Variants in SLC4A1AP observed in about 807,000 individuals in gnomAD.
SLC4A1AP encodes solute carrier family 4 member 1 adaptor protein.
Under a neutral mutation model 89.7 loss-of-function variants are expected in SLC4A1AP, and 64 were observed. The ratio of observed to expected loss-of-function variants is 0.71; its 90% CI spans 0.58 to 0.88. SLC4A1AP has a LOEUF of 0.88. Ranked by LOEUF, SLC4A1AP falls within the 40% of genes least tolerant of loss-of-function variation. SLC4A1AP has a pLI of 0.00. For missense variants in SLC4A1AP, 931 were observed against 965.0 expected (o/e 0.96, Z 0.47); for synonymous variants, 366 against 353.3 (o/e 1.04, Z -0.40).
intron 12 of SLC4A1AP, 72 bp from the exon 13 acceptor site, chr2:27,693,613 A>G: frequency 8.1e-7 from 1 of 1,235,496 alleles, no homozygotes; most frequent in Non-Finnish European, 1.2e-6. Context: ...ATAGGACCCC[A>G]ATCCCTTCTG....
chr2:27,677,781 G>A (rs1178704784), exon 8 of SLC4A1AP: 2 of 1,612,866 alleles, frequency 1.2e-6, no homozygotes, highest in South Asian at 1.1e-5. Context: ...ATGCGTTCAT[G>A]TCAGAAATGA....
At chr2:27,667,302 C>A in exon 3 of SLC4A1AP, 1 of 1,613,374 alleles carries the variant, frequency 6.2e-7, no homozygotes, top group Non-Finnish European at 8.5e-7. Flanking sequence ...CTGAAGAGAA[C>A]CCTATTGTCT....
At chr2:27,672,231 G>A (rs1008056833) in intron 5 of SLC4A1AP, among the ~76,000 whole-genome samples, 17 of 151,914 alleles carry the variant, frequency 1.1e-4, no homozygotes, top group Admixed American at 3.3e-4. Flanking sequence ...TAATTGTTTC[G>A]TCCCTCTGTT....
At chr2:27,672,460 T>C (rs1368506660) in intron 5 of SLC4A1AP, among the ~76,000 whole-genome samples, 1 of 152,164 alleles carries the variant, frequency 6.6e-6, no homozygotes, top group Non-Finnish European at 1.5e-5. Context: ...GCTCAGAGAC[T>C]CCAAGGTTTT....
exon 5 of SLC4A1AP, chr2:27,669,345 T>C: frequency 6.2e-7 from 1 of 1,613,354 alleles, no homozygotes; most frequent in South Asian, 1.1e-5. Flanking sequence ...ATTGGAAGCT[T>C]GTCGGATTCT....
chr2:27,672,369 C>T (rs1269140365), intron 5 of SLC4A1AP, among the ~76,000 whole-genome samples: 1 of 151,726 alleles, frequency 6.6e-6, no homozygotes, highest in East Asian at 1.9e-4. Context: ...TTTCTGTCTT[C>T]TCTATTTTGC....
intron 12 of SLC4A1AP, chr2:27,693,445 C>T (rs1377905171): frequency 2.2e-6 from 1 of 454,892 alleles, no homozygotes; most frequent in South Asian, 4.3e-5. Flanking sequence ...AGATTTAGAA[C>T]TCCTTTTTGC....
In SLC4A1AP at chr2:27,682,184, G is replaced by A. The variant is rs1558508834; in HGVS notation, c.1764-64G>A. The A allele has an allele frequency of 1.2e-5, 12 of 1,013,618 alleles. No homozygotes were observed. The Middle Eastern group carries it at 6.6e-4, about 56-fold the overall frequency. The allele number at this position is 1,013,618 out of a possible 1,614,324, so 62.8% of individuals were successfully genotyped here. A position where few individuals can be genotyped will look rare whatever the true frequency, so the allele number is the denominator to read the frequency against. ...CAGAGGTTTCTTTGTCAGTATCATG[G>A]TATTTTTAGATAAAACCTTGGGACT... On this transcript the variant is annotated intron_variant, in intron 8 of 13. Coordinates refer to ENST00000613058, the Ensembl canonical transcript of SLC4A1AP.
At chr2:27,676,928 C>G (rs1259359758) in intron 6 of SLC4A1AP, among the ~76,000 whole-genome samples, 2 of 151,680 alleles carry the variant, frequency 1.3e-5, no homozygotes, top group African/African-American at 4.8e-5. Context: ...ATCATGAGGT[C>G]AGGAGATTGA....
exon 1 of SLC4A1AP, chr2:27,664,507 G>A: frequency 1.2e-6 from 2 of 1,614,186 alleles, no homozygotes; most frequent in Admixed American, 1.7e-5. Flanking sequence ...ATCCCACCTC[G>A]CACCTACTGT....
chr2:27,673,556 G>A (rs892035181), intron 5 of SLC4A1AP, among the ~76,000 whole-genome samples: 5 of 151,170 alleles, frequency 3.3e-5, no homozygotes, highest in African/African-American at 9.7e-5. Context: ...ATCAACTTCC[G>A]GGGCTCAAGC....
chr2:27,664,010 G>C (rs766502379), exon 1 of SLC4A1AP: 1 of 1,614,246 alleles, frequency 6.2e-7, no homozygotes. Flanking sequence ...CAGCGGCGCG[G>C]AGTAAGGCCC....
intron 5 of SLC4A1AP, among the ~76,000 whole-genome samples, chr2:27,671,258 T>C (rs1675424345): frequency 6.6e-6 from 1 of 152,218 alleles, no homozygotes; most frequent in East Asian, 1.9e-4. Flanking sequence ...GAGTATGGTG[T>C]TATATTTTTA....
exon 6 of SLC4A1AP, chr2:27,675,662 T>C: frequency 2.5e-6 from 4 of 1,598,588 alleles, no homozygotes; most frequent in Middle Eastern, 1.7e-4. Flanking sequence ...CTGGCAAGAT[T>C]GATGAGAAGC....
At position 27,693,707 on chromosome 2, in the gene SLC4A1AP, A is replaced by G. The variant is rs149368447; in HGVS notation, c.2294A>G (p.Lys765Arg). ...TAGCTTCCACCAACACTTTCTTCCAAATATCCTGAAGATGACCCAGACTAC... is the reference window on the plus strand; with the variant it reads ...TAGCTTCCACCAACACTTTCTTCCAGATATCCTGAAGATGACCCAGACTAC... Residue 765 changes from lysine to arginine, a missense_variant, in exon 13 of 14, where the codon AAA (lysine) becomes AGA (arginine). By Grantham distance (26) the Lys-to-Arg change is conservative. Transcript: ENST00000613058. 2.5e-6 allele frequency: 4 copies of G among 1,610,832 alleles called. No homozygotes were observed. The Admixed American group carries it at 5.0e-5, about 20-fold the overall frequency.
At chr2:27,680,826 G>A (rs1488939068) in intron 8 of SLC4A1AP, among the ~76,000 whole-genome samples, 1 of 150,296 alleles carries the variant, frequency 6.7e-6, no homozygotes, top group South Asian at 2.1e-4. Context: ...CAACATTTGG[G>A]GCAAGAAGAA....
chr2:27,677,827 AAACTTC>A, exon 8 of SLC4A1AP: 1 of 1,613,922 alleles, frequency 6.2e-7, no homozygotes, highest in African/African-American at 1.3e-5. Flanking sequence ...GTCCCGGAAG[AAACTTC>A]ACCTGAGAAC....
chr2:27,663,939 G>GA lies in SLC4A1AP; in HGVS notation c.188dup (p.Thr64AspfsTer25). On this transcript the variant is annotated frameshift_variant, in exon 1 of 14. Transcript: ENST00000613058. LOFTEE classifies it high-confidence loss of function. Reference sequence around the variant, plus strand: ...GATGGCTGACATTCTCTCTCAGTCAGAGACCCTGGCGTCGCAAGACCTCAG... The same window carrying GA: ...GATGGCTGACATTCTCTCTCAGTCAGAAGACCCTGGCGTCGCAAGACCTCAG... 1 of 1,614,202 alleles carries GA rather than the reference G, an allele frequency of 6.2e-7. No homozygotes were observed. Among genetic ancestry groups the GA allele is most frequent in the Non-Finnish European group, 8.5e-7 (1 of 1,180,028 alleles).
chr2:27,685,766 C>G (rs552941457), intron 10 of SLC4A1AP, among the ~76,000 whole-genome samples: 1 of 152,122 alleles, frequency 6.6e-6, no homozygotes, highest in Non-Finnish European at 1.5e-5. Flanking sequence ...AGCACAAAAC[C>G]TGACACATAT....
Sources: allele counts gnomAD v4.1 joint callset (sites outside exome capture counted in the v4.1 genomes callset), GRCh38; gene constraint gnomAD v4.1.1; transcripts MANE v1.5; gene names NCBI Gene and HGNC (gene_info 2026-07-23, HGNC 2026-07-21).